TULP4: variants seen among roughly 807,000 people sequenced by gnomAD.
TULP4 encodes tubby-related protein 4.
TULP4 carries 16 observed loss-of-function variants against 129.0 expected under a neutral mutation model. The ratio of observed to expected loss-of-function variants is 0.12; its 90% CI spans 0.08 to 0.19. The LOEUF is 0.19. TULP4 is among the 10% of genes least tolerant of loss of function. The pLI is 1.00. For missense variants in TULP4, 1,842 were observed against 2,059.1 expected, an observed-to-expected ratio of 0.89 and a Z score of 2.04; for synonymous variants, 998 against 854.0, an observed-to-expected ratio of 1.17 and a Z score of -2.94.
chr6:158,241,435 T>C (rs1487965056), intron 1 of TULP4, among the ~76,000 whole-genome samples: 1 of 148,188 alleles, frequency 6.7e-6, no homozygotes, highest in Non-Finnish European at 1.5e-5. Flanking sequence ...ATCACGCCAC[T>C]GCACTCCAGC....
At chr6:158,459,590 G>A (rs602093) in intron 5 of TULP4, among the ~76,000 whole-genome samples, 63,325 of 148,234 alleles carry the variant, frequency 0.43, 14,516 homozygotes, top group African/African-American at 0.62. Context: ...CAGCTCTGCA[G>A]GGGCAACAAC....
chr6:158,477,151 T>A (rs934762184), intron 6 of TULP4, among the ~76,000 whole-genome samples: 1 of 152,186 alleles, frequency 6.6e-6, no homozygotes, highest in Admixed American at 6.5e-5. Context: ...CAAAGCTGAT[T>A]TTCATCTAGT....
At chr6:158,314,971 G>T (rs1779455395) in intron 1 of TULP4, among the ~76,000 whole-genome samples, 1 of 152,192 alleles carries the variant, frequency 6.6e-6, no homozygotes, top group Non-Finnish European at 1.5e-5. Context: ...TTTTAAAGAA[G>T]AGCGTGATTG....
chr6:158,315,720 T>C (rs1170115202), intron 1 of TULP4, among the ~76,000 whole-genome samples: 1 of 152,180 alleles, frequency 6.6e-6, no homozygotes, highest in Non-Finnish European at 1.5e-5. Flanking sequence ...GACTGGGAAG[T>C]CCAAGATCAA....
intron 1 of TULP4, among the ~76,000 whole-genome samples, chr6:158,405,812 G>A (rs1414847649): frequency 6.6e-6 from 1 of 152,176 alleles, no homozygotes; most frequent in East Asian, 1.9e-4. Flanking sequence ...TTTACATTAT[G>A]TCAGACGTAC....
At position 158,413,117 on chromosome 6, in the gene TULP4, C is replaced by T. The variant is rs1334245517; in HGVS notation, c.305C>T (p.Ala102Val). The change falls in exon 2 of 14, where the codon GCG (alanine) becomes GTG (valine). Residue 102 changes from alanine (A) to valine (V), a missense_variant. Transcript: ENST00000367097. The surrounding 1 kb of genome is among the most constrained non-coding windows in gnomAD (Gnocchi z 4.9). ...TACCAGAAACTGGCCACGTGCGATG[C>T]GGACGGAGGCATATTCGTGTGGATT... Reference protein sequence around the residue: ...EPYQKLATCDADGGIFVWIQY... With the variant: ...EPYQKLATCDVDGGIFVWIQY... The T allele has an allele frequency of 4.3e-6, 7 of 1,613,456 alleles. No individual in the cohort carries two copies. Among genetic ancestry groups the T allele is most frequent in the Non-Finnish European group, 5.9e-6 (7 of 1,179,658 alleles).
In TULP4 at chr6:158,481,085, G is replaced by A; in HGVS notation, c.1282G>A (p.Asp428Asn). Residue 428 changes from aspartate (D) to asparagine (N), a missense_variant, in exon 8 of 14, where the codon GAC (aspartate) becomes AAC (asparagine). Physicochemically the swap from Asp to Asn is conservative, Grantham distance 23. Around this residue, in one of 5 missense-constraint regions of TULP4, gnomAD observed 456 missense variants for 534.3 expected, o/e 0.85. Transcript: ENST00000367097. Reference protein sequence around the residue: ...PPIPDPNNMRDFVSYPSAGNE... With the variant: ...PPIPDPNNMRNFVSYPSAGNE... ...AATTCCAGATCCGAACAACATGAGA[G>A]ACTTTGTCAGCTACCCATCAGCCGG... 1 of 1,591,618 alleles carries A rather than the reference G, an allele frequency of 6.3e-7. No homozygotes were observed. Among genetic ancestry groups the A allele is most frequent in the Non-Finnish European group, 8.6e-7 (1 of 1,165,408 alleles).
intron 3 of TULP4, among the ~76,000 whole-genome samples, chr6:158,439,395 A>G (rs1778829995): frequency 6.6e-6 from 1 of 152,052 alleles, no homozygotes; most frequent in Non-Finnish European, 1.5e-5. Flanking sequence ...GCCCTCCCAG[A>G]GCAGCTCTCA....
intron 1 of TULP4, among the ~76,000 whole-genome samples, chr6:158,371,845 C>T (rs970377845): frequency 6.6e-6 from 1 of 152,162 alleles, no homozygotes; most frequent in East Asian, 1.9e-4. Context: ...GACAAGGTCT[C>T]TTTCTGTCAG....
At chr6:158,498,438 C>T (rs1179710845) in intron 11 of TULP4, among the ~76,000 whole-genome samples, 1 of 152,168 alleles carries the variant, frequency 6.6e-6, no homozygotes, top group Admixed American at 6.5e-5. Context: ...GCAAGGAGGC[C>T]AAGCTAGACC....
chr6:158,353,975 GC>G (rs1490764547), intron 1 of TULP4, among the ~76,000 whole-genome samples: 4 of 152,254 alleles, frequency 2.6e-5, no homozygotes, highest in African/African-American at 7.2e-5. Context: ...TGCAGTGGTT[GC>G]TGTGGTCATC....
intron 6 of TULP4, among the ~76,000 whole-genome samples, chr6:158,478,097 G>A (rs950413814): frequency 6.6e-6 from 1 of 152,114 alleles, no homozygotes; most frequent in Admixed American, 6.5e-5. Flanking sequence ...ACTTGAGGGT[G>A]GAGAGTGGGA....
At chr6:158,272,665 A>G (rs1474011413) in intron 1 of TULP4, among the ~76,000 whole-genome samples, 1 of 152,222 alleles carries the variant, frequency 6.6e-6, no homozygotes, top group African/African-American at 2.4e-5. Context: ...GTTAAGTAGC[A>G]TAGCTCTAAT....
chr6:158,305,998 A>T (rs1011881232), intron 1 of TULP4, among the ~76,000 whole-genome samples: 2 of 152,188 alleles, frequency 1.3e-5, no homozygotes, highest in African/African-American at 2.4e-5. Context: ...AATGGTATTG[A>T]TAAAATTGGC....
intron 1 of TULP4, among the ~76,000 whole-genome samples, 190 bp from the exon 2 acceptor site, chr6:158,412,875 C>T (rs1330129018): frequency 3.3e-5 from 5 of 152,148 alleles, no homozygotes; most frequent in African/African-American, 4.8e-5. Context: ...GAAGCCGTGT[C>T]AGTGGGGCTG....
rs1017386631 is a variant in TULP4 at position 158,417,682 on chromosome 6, G to A, written c.381+4489G>A. ...CCTGGAAAAGTTCTGTGGCTTAGAA[G>A]AGGAGTGTCCTTGAAACCAGCTCAG... On this transcript the variant is annotated intron_variant, in intron 2 of 13. Coordinates refer to ENST00000367097, the MANE Select transcript of TULP4 (RefSeq NM_020245.5). Among the ~76,000 whole-genome samples, 7 of 152,346 alleles carry A rather than the reference G, an allele frequency of 4.6e-5. No individual in the cohort carries two copies. The East Asian group carries it at 1.3e-3, about 29-fold the overall frequency.
In TULP4 at chr6:158,502,115, G is replaced by C; in HGVS notation, c.2452G>C (p.Val818Leu). 6.2e-7 allele frequency: 1 copy of C among 1,608,758 alleles called. No individual in the cohort carries two copies. The highest frequency in any genetic ancestry group is 8.5e-7 in the Non-Finnish European group (1 of 1,177,354). ...GCAGCTGGCAGCTGAGGGGGACGCAGTGGTCTTTAGTGCCCCCCAGGAGGT... is the reference window on the plus strand; with the variant it reads ...GCAGCTGGCAGCTGAGGGGGACGCACTGGTCTTTAGTGCCCCCCAGGAGGT... The part of the protein sequence containing the change: ...TPQLAAEGDA[V>L]VFSAPQEVQV... The change falls in exon 13 of 14, where the codon GTG becomes CTG. Residue 818 changes from valine to leucine, a missense_variant. Transcript: ENST00000367097.
chr6:158,489,815 C>T (rs951112609), intron 9 of TULP4, 83 bp downstream of exon 9: 2 of 1,549,058 alleles, frequency 1.3e-6, no homozygotes, highest in Non-Finnish European at 1.8e-6. Context: ...CGCATTGAAA[C>T]TGACCAGAAG....
intron 1 of TULP4, among the ~76,000 whole-genome samples, chr6:158,345,918 A>G (rs12529235): frequency 0.17 from 26,313 of 152,118 alleles, 2,706 homozygotes; most frequent in Middle Eastern, 0.25. Context: ...GCAGACGTTT[A>G]TAGATCTGCC....
Sources: gnomAD v4.1 joint callset for allele counts (sites outside exome capture counted in the v4.1 genomes callset) on GRCh38, gnomAD v4.1.1 for gene constraint, gnomAD v4.1.1 regional missense constraint, Gnocchi (gnomAD v3.1) non-coding constraint, MANE v1.5 for transcripts, NCBI Gene and HGNC (gene_info 2026-07-23, HGNC 2026-07-21) for gene names.